The following SMAD2 variants were observed in gnomAD, a reference collection of about 807,000 sequenced individuals.
SMAD2 encodes MAD homolog 2.
Under a neutral mutation model 64.4 loss-of-function variants are expected in SMAD2, and 8 were observed. The ratio of observed to expected loss-of-function variants is 0.12; its 90% CI spans 0.07 to 0.22. The LOEUF is 0.22. SMAD2 is among the 10% of genes least tolerant of loss of function. The pLI, the probability that SMAD2 is intolerant of heterozygous loss-of-function variation, is 1.00. For missense variants in SMAD2, 289 were observed against 561.2 expected, an observed-to-expected ratio of 0.51 and a Z score of 4.90; for synonymous variants, 203 against 195.8, an observed-to-expected ratio of 1.04 and a Z score of -0.31.
intron 8 of SMAD2, among the ~76,000 whole-genome samples, chr18:47,846,190 T>A (rs1914472443): frequency 6.6e-6 from 1 of 152,106 alleles, no homozygotes; most frequent in African/African-American, 2.4e-5. Context: ...CCACTTAATG[T>A]TAAGAAAAAA....
intron 6 of SMAD2, among the ~76,000 whole-genome samples, chr18:47,857,047 C>A (rs1045649255): frequency 4.6e-5 from 7 of 151,640 alleles, no homozygotes; most frequent in Non-Finnish European, 1.0e-4. Context: ...TTAGTAGAGA[C>A]GGGGTTTCAC....
intron 2 of SMAD2, among the ~76,000 whole-genome samples, chr18:47,885,302 G>C (rs551601528): frequency 6.6e-6 from 1 of 151,752 alleles, no homozygotes; most frequent in Non-Finnish European, 1.5e-5. Context: ...CAGCCTCTCA[G>C]ATAGCTGGAA....
chr18:47,859,489 A>G (rs2030996402), intron 6 of SMAD2, among the ~76,000 whole-genome samples: 1 of 152,232 alleles, frequency 6.6e-6, no homozygotes, highest in Non-Finnish European at 1.5e-5. Context: ...GACTGTTAAC[A>G]GAATTAAATT....
intron 1 of SMAD2, among the ~76,000 whole-genome samples, chr18:47,910,827 C>G (rs941333969): frequency 1.3e-5 from 2 of 152,114 alleles, no homozygotes; most frequent in Non-Finnish European, 2.9e-5. Flanking sequence ...GGTAAGGCTT[C>G]CAGTCAACAG....
rs1913129491 is a variant in SMAD2 at position 47,833,637 on chromosome 18, G to A, written c.*8190C>T. On this transcript the variant is annotated 3_prime_UTR_variant, in exon 11 of 11. Coordinates refer to ENST00000262160, the MANE Select transcript of SMAD2 (RefSeq NM_005901.6). The stretch of plus-strand genomic sequence containing the variant: ...GTTCTAGCTGGTAAGCACCTTATGA[G>A]TATGAGGCTACAATTGAGAGAAACT... 4.3e-6 allele frequency: 1 copy of A among 230,890 alleles called. No homozygotes were observed. Among genetic ancestry groups the A allele is most frequent in the African/African-American group, 2.2e-5 (1 of 45,178 alleles). 14.3% of individuals were successfully genotyped at this position (230,890 alleles called of 1,614,324 possible).
chr18:47,899,513 G>A (rs1367497099), intron 1 of SMAD2, among the ~76,000 whole-genome samples: 3 of 152,124 alleles, frequency 2.0e-5, no homozygotes. Flanking sequence ...AACACAACAT[G>A]GTAACACAAC....
rs1156802848 is a variant in SMAD2 at position 47,882,924 on chromosome 18, T to C, written c.237-12360A>G. On this transcript the variant is annotated intron_variant, in intron 2 of 10. Transcript: ENST00000262160. ...TTTATAATATTTGCTTATAATCTTT[T>C]TACTGTCTGTAGGACCTACCATGAC... 2.6e-5 allele frequency among the ~76,000 whole-genome samples: 4 copies of C among 152,216 alleles called. No homozygotes were observed. The South Asian group carries it at 6.2e-4, about 24-fold the overall frequency.
chr18:47,849,548 C>T (rs1055348934), intron 7 of SMAD2, among the ~76,000 whole-genome samples: 2 of 151,234 alleles, frequency 1.3e-5, no homozygotes, highest in Non-Finnish European at 2.9e-5. Context: ...GTTCTAGGAC[C>T]GGCTCCCCCT....
At chr18:47,881,007 T>C (rs1050396971) in intron 2 of SMAD2, among the ~76,000 whole-genome samples, 1 of 152,224 alleles carries the variant, frequency 6.6e-6, no homozygotes, top group Non-Finnish European at 1.5e-5. Flanking sequence ...CCTATGGTGC[T>C]TCAAGGCCAG....
intron 10 of SMAD2, among the ~76,000 whole-genome samples, chr18:47,843,445 G>A (rs1914170458): frequency 6.6e-6 from 1 of 152,112 alleles, no homozygotes; most frequent in Admixed American, 6.5e-5. Context: ...AGGGGAGTAG[G>A]TTTAAGAAGG....
At chr18:47,843,829 TGAA>T (rs1197315491) in intron 10 of SMAD2, among the ~76,000 whole-genome samples, 2 of 152,202 alleles carry the variant, frequency 1.3e-5, no homozygotes, top group Non-Finnish European at 2.9e-5. Context: ...CCACAGTGAA[TGAA>T]GAAGGGCAGT....
rs2033587695 is a variant in SMAD2, at chr18:47,899,441, T to C, written c.-53-2632A>G. ...AAATACATATAAAGGAGTTATCAAA[T>C]GTGGAAAAAAAGTGGATGATTAGGG... is the stretch of plus-strand genomic sequence containing the variant. On this transcript the variant is annotated intron_variant, in intron 1 of 10. Coordinates refer to ENST00000262160, the MANE Select transcript of SMAD2 (RefSeq NM_005901.6). Among the ~76,000 whole-genome samples, 6 of 151,942 alleles carry C rather than the reference T, an allele frequency of 3.9e-5. No homozygotes were observed. The South Asian group carries it at 1.2e-3, about 31-fold the overall frequency.
intron 1 of SMAD2, chr18:47,922,438 A>C (rs974026122): frequency 6.6e-6 from 1 of 152,242 alleles, no homozygotes; most frequent in Non-Finnish European, 1.5e-5. Flanking sequence ...TTTTCTCATC[A>C]TTTCTAAAAC....
In SMAD2 at chr18:47,845,007, A is replaced by G. The variant is rs1344107615; in HGVS notation, c.1280+333T>C. On this transcript the variant is annotated intron_variant, in intron 10 of 10. Transcript: ENST00000262160. ...AATCCAATGCACCTTTTACAACTAG[A>G]TCATGTGCCATCAAGTTTTCCTTGA... The G allele has an allele frequency of 7.4e-6, 4 of 543,600 alleles. No homozygotes were observed. The Admixed American group carries it at 1.4e-4, about 19-fold the overall frequency. The allele number at this position is 543,600 out of a possible 1,614,324, so 33.7% of individuals were successfully genotyped here.
intron 2 of SMAD2, among the ~76,000 whole-genome samples, chr18:47,893,364 T>C (rs1251237160): frequency 6.6e-6 from 1 of 152,182 alleles, no homozygotes; most frequent in Non-Finnish European, 1.5e-5. Context: ...GGGCTGAAAG[T>C]AGAGAGGAGG....
rs192778796 is a variant in SMAD2, at chr18:47,826,398, T to G, written c.*15429A>C. 1.3e-5 allele frequency: 2 copies of G among 152,392 alleles called. No individual in the cohort carries two copies. Among genetic ancestry groups the G allele is most frequent in the Non-Finnish European group, 2.9e-5 (2 of 68,052 alleles). 9.4% of individuals were successfully genotyped at this position (152,392 alleles called of 1,614,324 possible). A position where few individuals can be genotyped will look rare whatever the true frequency, so the allele number is the denominator to read the frequency against. ...ATAACTCTGTAGTGCCTTTCCACAC[T>G]GGGTTTAGCCATGTGGCTTGTTTCT... On this transcript the variant is annotated 3_prime_UTR_variant, in exon 11 of 11. Transcript: ENST00000262160.
chr18:47,885,458 G>A (rs932332732), intron 2 of SMAD2, among the ~76,000 whole-genome samples: 1 of 151,894 alleles, frequency 6.6e-6, no homozygotes, highest in Non-Finnish European at 1.5e-5. Flanking sequence ...ATGAGCCACC[G>A]TGTCTGGCCA....
chr18:47,852,531 T>C (rs551625514), intron 6 of SMAD2, among the ~76,000 whole-genome samples: 3 of 152,322 alleles, frequency 2.0e-5, no homozygotes, highest in South Asian at 2.1e-4. Context: ...CTGTGGTCAA[T>C]GTTATGACAA....
intron 1 of SMAD2, among the ~76,000 whole-genome samples, chr18:47,916,311 C>T (rs1435294300): frequency 3.3e-5 from 5 of 152,130 alleles, no homozygotes; most frequent in African/African-American, 1.2e-4. Context: ...TAATCCCTCA[C>T]GTTTGGTTGC....
Sources: gnomAD v4.1 joint callset for allele counts (sites outside exome capture counted in the v4.1 genomes callset) on GRCh38, gnomAD v4.1.1 for gene constraint, MANE v1.5 for transcripts, NCBI Gene and HGNC (gene_info 2026-07-23, HGNC 2026-07-21) for gene names.